Variants in GALNT14 observed in about 807,000 individuals in gnomAD.
GALNT14 encodes the protein UDP-GalNAc:polypeptide N-acetylgalactosaminyltransferase 14.
GALNT14 carries 60 observed loss-of-function variants against 77.5 expected under a neutral mutation model. That is an observed-to-expected ratio of 0.77 (90% CI 0.63 to 0.96). GALNT14 has a LOEUF of 0.96. GALNT14 is among the 40% of genes least tolerant of loss of function. The probability of loss-of-function intolerance (pLI) is 0.00; values close to 1 mark genes in which losing one functional copy is unlikely to be tolerated. For synonymous variants in GALNT14, 280 were observed against 281.7 expected (o/e 0.99, Z 0.06); for missense variants, 710 against 731.0 (o/e 0.97, Z 0.33).
intron 13 of GALNT14, among the ~76,000 whole-genome samples, chr2:30,914,777 G>A (rs1664575065): frequency 6.6e-6 from 1 of 152,248 alleles, no homozygotes; most frequent in African/African-American, 2.4e-5. Flanking sequence ...ACCCAGGGAT[G>A]AGACCCACGC....
intron 1 of GALNT14, among the ~76,000 whole-genome samples, chr2:31,106,197 C>T (rs1000084311): frequency 1.3e-5 from 2 of 152,196 alleles, no homozygotes; most frequent in Admixed American, 6.5e-5. Flanking sequence ...CAAATTCGTG[C>T]TCTTTCAACA....
At chr2:31,119,382 A>G (rs936744257) in intron 1 of GALNT14, among the ~76,000 whole-genome samples, 70 of 152,242 alleles carry the variant, frequency 4.6e-4, no homozygotes, top group African/African-American at 1.6e-3. Flanking sequence ...TAAACCGTAC[A>G]GTAGAAAAAT....
At chr2:31,086,326 C>G (rs1358752746) in intron 1 of GALNT14, among the ~76,000 whole-genome samples, 1 of 152,202 alleles carries the variant, frequency 6.6e-6, no homozygotes, top group East Asian at 1.9e-4. Flanking sequence ...TGGGACTGCC[C>G]TACTGAGCAG....
chr2:31,006,012 C>G (rs541546706), intron 1 of GALNT14, among the ~76,000 whole-genome samples: 8 of 152,128 alleles, frequency 5.3e-5, no homozygotes, highest in Non-Finnish European at 1.2e-4. Context: ...CTGCCTGAGA[C>G]CCCATACTCC....
At chr2:30,976,416 A>G (rs777808767) in intron 2 of GALNT14, among the ~76,000 whole-genome samples, 17 of 152,146 alleles carry the variant, frequency 1.1e-4, no homozygotes, top group Non-Finnish European at 2.5e-4. Flanking sequence ...GATCTTTTAC[A>G]TTGCCTAGCC....
At chr2:30,943,457 A>G (rs1187374096) in intron 8 of GALNT14, among the ~76,000 whole-genome samples, 3 of 152,188 alleles carry the variant, frequency 2.0e-5, no homozygotes, top group Non-Finnish European at 4.4e-5. Context: ...AGGTCTCCTG[A>G]TGCTGCCACA....
rs72795215 is a variant in GALNT14 at position 31,104,515 on chromosome 2, C to T, written c.129+33443G>A. 5.1e-3 allele frequency among the ~76,000 whole-genome samples: 779 copies of T among 152,214 alleles called. 4 individuals are homozygous for T. The highest frequency in any genetic ancestry group is 0.018 in the African/African-American group (739 of 41,520). ...ACAGACCCAGTCCACAGATCCTATGCGAATTTCTGAAATATCCCAACAATG... is the reference window on the plus strand; with the variant it reads ...ACAGACCCAGTCCACAGATCCTATGTGAATTTCTGAAATATCCCAACAATG... On this transcript the variant is annotated intron_variant, in intron 1 of 14. Transcript: ENST00000349752.
intron 2 of GALNT14, among the ~76,000 whole-genome samples, chr2:30,988,281 T>A (rs1194759463): frequency 6.6e-6 from 1 of 152,250 alleles, no homozygotes; most frequent in Non-Finnish European, 1.5e-5. Flanking sequence ...CTGCAAGGCA[T>A]GATGGGAACA....
chr2:31,086,629 G>T (rs193018741), intron 1 of GALNT14, among the ~76,000 whole-genome samples: 119 of 151,940 alleles, frequency 7.8e-4, no homozygotes, highest in African/African-American at 2.5e-3. Context: ...AGATGAAGAG[G>T]CCCTGTGAAC....
intron 9 of GALNT14, among the ~76,000 whole-genome samples, chr2:30,937,771 C>G (rs1666142103): frequency 6.6e-6 from 1 of 152,122 alleles, no homozygotes; most frequent in Non-Finnish European, 1.5e-5. Context: ...CTGGGAAATC[C>G]CTTTGCTACC....
At chr2:31,061,429 T>A (rs1447691222) in intron 1 of GALNT14, among the ~76,000 whole-genome samples, 1 of 152,176 alleles carries the variant, frequency 6.6e-6, no homozygotes, top group Non-Finnish European at 1.5e-5. Flanking sequence ...CAGTCTGGCT[T>A]CCCACGATCA....
At chr2:31,051,705 G>T (rs1016774844) in intron 1 of GALNT14, among the ~76,000 whole-genome samples, 1 of 152,194 alleles carries the variant, frequency 6.6e-6, no homozygotes, top group Non-Finnish European at 1.5e-5. Context: ...CATGGGCAGG[G>T]ATCAGAGGCC....
At chr2:30,894,690 G>A in the GALNT14 span, among the ~76,000 whole-genome samples, 2 of 152,192 alleles carry the variant, frequency 1.3e-5, no homozygotes, top group Admixed American at 6.5e-5. Flanking sequence ...TCTGCCTGTG[G>A]CCAGCTCTGG....
chr2:30,896,873 TCTGA>T, the GALNT14 span, among the ~76,000 whole-genome samples: 8 of 152,102 alleles, frequency 5.3e-5, no homozygotes, highest in African/African-American at 9.6e-5. Flanking sequence ...TTTTTTTTGC[TCTGA>T]CTGTCAGTAA....
chr2:31,128,015 T>C (rs6706257), intron 1 of GALNT14, among the ~76,000 whole-genome samples: 108,657 of 151,980 alleles, frequency 0.71, 39,890 homozygotes, highest in East Asian at 0.97. Context: ...TAGAGCAGAG[T>C]ACCAACTTTA....
chr2:30,927,485 T>G (rs547005372), intron 11 of GALNT14, among the ~76,000 whole-genome samples: 1 of 152,328 alleles, frequency 6.6e-6, no homozygotes, highest in East Asian at 1.9e-4. Flanking sequence ...AGGAGATGAA[T>G]CCAGGCAGTG....
intron 1 of GALNT14, among the ~76,000 whole-genome samples, chr2:31,116,967 G>A (rs1309018921): frequency 6.6e-6 from 1 of 152,016 alleles, no homozygotes. Context: ...AACCCAAGAG[G>A]CAGAGGTTAC....
chr2:30,901,149 T>C, the GALNT14 span, among the ~76,000 whole-genome samples: 1 of 152,124 alleles, frequency 6.6e-6, no homozygotes, highest in African/African-American at 2.4e-5. Flanking sequence ...AAGGCAAACC[T>C]TTCCTGAGGC....
intron 1 of GALNT14, among the ~76,000 whole-genome samples, chr2:31,021,823 C>T (rs968460827): frequency 7.2e-5 from 11 of 152,146 alleles, no homozygotes; most frequent in African/African-American, 2.4e-4. Context: ...CATGGAAGGC[C>T]GGAAGTCAGA....
Sources: allele counts gnomAD v4.1 joint callset (sites outside exome capture counted in the v4.1 genomes callset), GRCh38; gene constraint gnomAD v4.1.1; transcripts MANE v1.5; gene names NCBI Gene and HGNC (gene_info 2026-07-23, HGNC 2026-07-21).